COL6A5: variants seen among roughly 807,000 people sequenced by gnomAD.
COL6A5 encodes the protein collagen type VI alpha 5 chain.
Under a neutral mutation model 65.6 loss-of-function variants are expected in COL6A5, and 48 were observed. That is an observed-to-expected ratio of 0.73 (90% confidence interval 0.58 to 0.93). The LOEUF is 0.93. COL6A5 is among the 40% of genes least tolerant of loss of function. The pLI is 0.00. For missense variants in COL6A5, 914 were observed against 928.3 expected (o/e 0.98, Z 0.20); for synonymous variants, 291 against 322.8 (o/e 0.90, Z 1.05).
intron 8 of COL6A5, among the ~76,000 whole-genome samples, chr3:130,395,949 A>G (rs544802578): frequency 3.2e-4 from 48 of 152,220 alleles, no homozygotes; most frequent in Middle Eastern, 6.8e-3. Context: ...TAATGATTAC[A>G]TTCATATAAT....
intron 1 of COL6A5, among the ~76,000 whole-genome samples, chr3:130,354,500 A>G (rs61197336): frequency 0.019 from 2,899 of 152,288 alleles, 88 homozygotes; most frequent in African/African-American, 0.065. Context: ...AACATTCTCT[A>G]GGGGCTTATT....
chr3:130,458,144 C>T (rs1709619173), intron 5 of COL6A5, among the ~76,000 whole-genome samples: 1 of 152,226 alleles, frequency 6.6e-6, no homozygotes, highest in South Asian at 2.1e-4. Flanking sequence ...TTCTTCTCCC[C>T]ATCTGCTCTG....
At chr3:130,364,328 C>T (rs1559859194) in intron 1 of COL6A5, among the ~76,000 whole-genome samples, 1 of 152,186 alleles carries the variant, frequency 6.6e-6, no homozygotes, top group Non-Finnish European at 1.5e-5. Context: ...GCATTTCCCC[C>T]TAACCTACTA....
exon 1 of COL6A5, chr3:130,431,903 C>T (rs1318174371): frequency 1.3e-6 from 2 of 1,551,494 alleles, no homozygotes; most frequent in Non-Finnish European, 1.7e-6. Context: ...GATATCAGTC[C>T]AACAGTCTTT....
intron 4 of COL6A5, among the ~76,000 whole-genome samples, chr3:130,449,930 G>A (rs920593583): frequency 1.3e-5 from 2 of 152,056 alleles, no homozygotes; most frequent in Non-Finnish European, 2.9e-5. Flanking sequence ...CAGGCCCACC[G>A]AACCTTGAGG....
In COL6A5 at chr3:130,373,594, A is replaced by G. The variant is rs1935642553; in HGVS notation, c.-28-17A>G. 8.4e-7 allele frequency: 1 copy of G among 1,195,884 alleles called. No homozygotes were observed. Among genetic ancestry groups the G allele is most frequent in the African/African-American group, 1.5e-5 (1 of 65,354 alleles). 74.1% of individuals were successfully genotyped at this position (1,195,884 alleles called of 1,614,324 possible). ...TAAAATAAAATTTTTCATAATGTAA[A>G]TAATTTTCTTTTGCAGAACAAAAGT... On this transcript the variant is annotated splice_polypyrimidine_tract_variant and intron_variant and NMD_transcript_variant, in intron 1 of 41. Transcript: ENST00000312481.
intron 4 of COL6A5, among the ~76,000 whole-genome samples, chr3:130,447,227 C>A (rs934550363): frequency 6.6e-6 from 1 of 152,082 alleles, no homozygotes; most frequent in African/African-American, 2.4e-5. Context: ...TGGCAAGTAG[C>A]CCAGATAAAA....
chr3:130,422,583 G>C, intron 27 of COL6A5, 137 bp from the exon 28 acceptor site: 2 of 530,876 alleles, frequency 3.8e-6, no homozygotes, highest in Non-Finnish European at 6.6e-6. Context: ...AGGAAAAGAT[G>C]ACATTTAATG....
intron 5 of COL6A5, among the ~76,000 whole-genome samples, chr3:130,459,069 T>C (rs1050132273): frequency 6.6e-6 from 1 of 152,108 alleles, no homozygotes; most frequent in African/African-American, 2.4e-5. Context: ...ATACAGCTAA[T>C]CTACCTTCAG....
At chr3:130,438,739 C>A (rs572595198) in intron 1 of COL6A5, among the ~76,000 whole-genome samples, 3 of 152,130 alleles carry the variant, frequency 2.0e-5, no homozygotes, top group Non-Finnish European at 4.4e-5. Flanking sequence ...CTCCTCACCA[C>A]CTGGGAATGA....
chr3:130,409,947 C>T, intron 18 of COL6A5, 62 bp from the exon 19 acceptor site: 1 of 1,176,018 alleles, frequency 8.5e-7, no homozygotes, highest in Non-Finnish European at 1.2e-6. Flanking sequence ...GAACATCATA[C>T]CGTTTTGGGG....
intron 1 of COL6A5, among the ~76,000 whole-genome samples, chr3:130,353,695 A>G (rs1448133473): frequency 6.8e-6 from 1 of 147,448 alleles, no homozygotes; most frequent in Admixed American, 7.0e-5. Context: ...GACAACAGAA[A>G]AACAGCAAAG....
At chr3:130,403,706 T>C in intron 13 of COL6A5, 44 bp downstream of exon 13, 1 of 1,381,646 alleles carries the variant, frequency 7.2e-7, no homozygotes, top group Non-Finnish European at 1.0e-6. Context: ...GCACACACAC[T>C]GTACACACAC....
At chr3:130,406,109 C>T (rs1346061252) in intron 15 of COL6A5, 22 bp from the exon 16 acceptor site, 6 of 1,548,354 alleles carry the variant, frequency 3.9e-6, no homozygotes, top group Non-Finnish European at 5.2e-6. Flanking sequence ...TTACCTGATG[C>T]CTGTCTATTG....
exon 6 of COL6A5, chr3:130,388,669 A>G: frequency 6.4e-7 from 1 of 1,551,260 alleles, no homozygotes; most frequent in Non-Finnish European, 8.7e-7. Flanking sequence ...GAAAATCTTC[A>G]TGAAAAACCT....
At chr3:130,386,596 A>G (rs1936197143) in intron 5 of COL6A5, among the ~76,000 whole-genome samples, 1 of 152,092 alleles carries the variant, frequency 6.6e-6, no homozygotes, top group Admixed American at 6.6e-5. Context: ...TCTTAGAAAG[A>G]GTGCAAGAAT....
intron 4 of COL6A5, among the ~76,000 whole-genome samples, chr3:130,448,486 T>C (rs2107710318): frequency 6.6e-6 from 1 of 152,308 alleles, no homozygotes; most frequent in South Asian, 2.1e-4. Flanking sequence ...AAAGAATCTC[T>C]CCTAATTTGA....
chr3:130,346,092 C>T, intron 1 of COL6A5, 111 bp downstream of exon 1: 1 of 397,694 alleles, frequency 2.5e-6, no homozygotes. Flanking sequence ...CACCTGTTGA[C>T]GCCCCCAAAT....
rs187612469 is a variant in COL6A5, at chr3:130,409,859, T to C, written c.4543-150T>C. The C allele has an allele frequency of 1.2e-3, 694 of 574,640 alleles. 3 individuals carry two copies. The highest frequency in any genetic ancestry group is 0.012 in the African/African-American group (641 of 53,532). The allele number at this position is 574,640 out of a possible 1,614,324, so 35.6% of individuals were successfully genotyped here. A position where few individuals can be genotyped will look rare whatever the true frequency, so the allele number is the denominator to read the frequency against. Reference sequence around the variant, plus strand: ...CTTGAGGAAGTACTGCTTTGATTTTTTCCAAAATCCTGTGAGTTTCGAATA... The same window carrying C: ...CTTGAGGAAGTACTGCTTTGATTTTCTCCAAAATCCTGTGAGTTTCGAATA... On this transcript the variant is annotated intron_variant and NMD_transcript_variant, in intron 18 of 41. Coordinates refer to the COL6A5 transcript ENST00000312481.
Sources: gnomAD v4.1 joint callset for allele counts (sites outside exome capture counted in the v4.1 genomes callset) on GRCh38, gnomAD v4.1.1 for gene constraint, MANE v1.5 for transcripts, NCBI Gene and HGNC (gene_info 2026-07-23, HGNC 2026-07-21) for gene names.